The following TBC1D1 variants were observed in gnomAD, a reference collection of about 807,000 sequenced individuals.
TBC1D1 encodes the protein TBC1 domain family member 1.
In TBC1D1, 89 loss-of-function variants were observed where a neutral mutation model predicts 125.6. The ratio of observed to expected loss-of-function variants is 0.71; its 90% CI spans 0.60 to 0.85. The LOEUF (loss-of-function observed/expected upper bound fraction) is 0.85, where lower values mean the gene tolerates loss of function less well. TBC1D1 is among the 40% of genes least tolerant of loss of function. TBC1D1 has a pLI of 0.00. For synonymous variants in TBC1D1, 565 were observed against 564.1 expected (o/e 1.00, Z -0.02); for missense variants, 1,377 against 1,469.2 (o/e 0.94, Z 1.03).
rs763605503 is a variant in TBC1D1, at chr4:38,049,649, C to G, written c.1661C>G (p.Pro554Arg). ...TCTGTGTGTGAAAAGGAGGCCTTGC[C>G]CATCTCTGAGAGCTCCTTTAAGCTC... The change falls in exon 11 of 20, where the codon CCC becomes CGC. Residue 554 changes from proline (P) to arginine (R), a missense_variant. Physicochemically the swap from Pro to Arg is moderately radical, Grantham distance 103 (BLOSUM62 -2). Around this residue, in one of 3 missense-constraint regions of TBC1D1, gnomAD observed 822 missense variants for 824.6 expected, o/e 1.00. Coordinates refer to ENST00000261439, the MANE Select transcript of TBC1D1 (RefSeq NM_015173.4). 3 of 1,612,328 alleles carry G rather than the reference C, an allele frequency of 1.9e-6. No individual in the cohort carries two copies. Among genetic ancestry groups the G allele is most frequent in the Non-Finnish European group, 2.5e-6 (3 of 1,178,696 alleles).
chr4:37,904,635 A>G (rs1716909964), intron 2 of TBC1D1, among the ~76,000 whole-genome samples: 1 of 152,238 alleles, frequency 6.6e-6, no homozygotes, highest in Non-Finnish European at 1.5e-5. Flanking sequence ...CCCCAAGTAG[A>G]GAATTGGACT....
chr4:37,903,395 C>G (rs1211613381), intron 2 of TBC1D1, among the ~76,000 whole-genome samples: 3 of 152,184 alleles, frequency 2.0e-5, no homozygotes, highest in African/African-American at 7.2e-5. Flanking sequence ...GGGCTCAGGG[C>G]TCCACAGCTA....
chr4:37,912,067 TC>T (rs1718742744), intron 2 of TBC1D1, among the ~76,000 whole-genome samples: 1 of 152,218 alleles, frequency 6.6e-6, no homozygotes, highest in Non-Finnish European at 1.5e-5. Flanking sequence ...CTCAGGACTT[TC>T]GCAAGTCATT....
intron 2 of TBC1D1, among the ~76,000 whole-genome samples, chr4:37,991,633 CTT>C (rs66674403): frequency 9.6e-6 from 1 of 103,990 alleles, no homozygotes. Context: ...TCTTCTCTCT[CTT>C]TTTTTTTTTT....
intron 2 of TBC1D1, among the ~76,000 whole-genome samples, chr4:37,948,627 C>CAA (rs34225328): frequency 1.0e-4 from 15 of 144,118 alleles, no homozygotes; most frequent in Admixed American, 6.9e-4. Context: ...GACTCTGTCT[C>CAA]AAAAAAAAAA....
At chr4:38,129,414 G>A (rs1320312967) in intron 18 of TBC1D1, among the ~76,000 whole-genome samples, 1 of 152,230 alleles carries the variant, frequency 6.6e-6, no homozygotes, top group Non-Finnish European at 1.5e-5. Flanking sequence ...TTTACCACTG[G>A]CGTTGTTGAA....
intron 12 of TBC1D1, among the ~76,000 whole-genome samples, chr4:38,061,259 G>A (rs571053463): frequency 6.6e-6 from 1 of 152,072 alleles, no homozygotes; most frequent in South Asian, 2.1e-4. Context: ...TGTTTTCTCA[G>A]CCGTGGGCTC....
intron 12 of TBC1D1, among the ~76,000 whole-genome samples, chr4:38,075,819 GA>G (rs1188491205): frequency 2.6e-5 from 4 of 152,190 alleles, no homozygotes; most frequent in Non-Finnish European, 5.9e-5. Context: ...TGTGCAAGCA[GA>G]ACCCCCATCA....
At chr4:38,087,888 G>A (rs1757801024) in intron 12 of TBC1D1, among the ~76,000 whole-genome samples, 1 of 148,384 alleles carries the variant, frequency 6.7e-6, no homozygotes, top group Admixed American at 6.8e-5. Context: ...GAATATCCAG[G>A]TCAACCCCAC....
chr4:38,006,723 C>T, intron 2 of TBC1D1: 1 of 368,822 alleles, frequency 2.7e-6, no homozygotes. Flanking sequence ...TTGTGATCCG[C>T]CCACCTTGGC....
intron 2 of TBC1D1, among the ~76,000 whole-genome samples, chr4:37,984,701 G>A (rs888764234): frequency 1.3e-5 from 2 of 151,768 alleles, no homozygotes; most frequent in Admixed American, 6.6e-5. Context: ...AAATTAGCTG[G>A]GTGTGGTGGC....
rs780996278 is a variant in TBC1D1 at position 38,014,725 on chromosome 4, C to A, written c.634C>A (p.Pro212Thr). 6.3e-7 allele frequency: 1 copy of A among 1,596,698 alleles called. No homozygotes were observed. The highest frequency in any genetic ancestry group is 1.1e-5 in the South Asian group (1 of 90,812). ...CAGCGGCAGCCGGGGGTCCGAGAGC[C>A]CCCGCCCCAACCCGCCCCATGCCGC... is the stretch of plus-strand genomic sequence containing the variant. The change falls in exon 3 of 20, where the codon CCC becomes ACC. Residue 212 changes from proline to threonine, a missense_variant. By Grantham distance (38) the Pro-to-Thr change is conservative. Around this residue, in one of 3 missense-constraint regions of TBC1D1, gnomAD observed 822 missense variants for 824.6 expected, o/e 1.00. Coordinates refer to ENST00000261439, the MANE Select transcript of TBC1D1 (RefSeq NM_015173.4). This position sits in a 1 kb window ranked among gnomAD's most constrained non-coding sequence, Gnocchi z 5.1.
At chr4:37,918,640 T>G (rs13139977) in intron 2 of TBC1D1, among the ~76,000 whole-genome samples, 40,579 of 151,840 alleles carry the variant, frequency 0.27, 6,585 homozygotes, top group East Asian at 0.63. Context: ...TAGAGATGGG[T>G]TTTCACCATG....
intron 2 of TBC1D1, among the ~76,000 whole-genome samples, chr4:37,918,182 T>TA (rs1720118600): frequency 6.6e-6 from 1 of 152,240 alleles, no homozygotes; most frequent in Admixed American, 6.5e-5. Context: ...CTTGGATTCC[T>TA]AAAATCTGTT....
intron 2 of TBC1D1, among the ~76,000 whole-genome samples, chr4:37,979,034 T>G (rs910629581): frequency 6.6e-6 from 1 of 152,076 alleles, no homozygotes; most frequent in African/African-American, 2.4e-5. Context: ...GCGCCACCAC[T>G]CCCAGCTAAT....
intron 2 of TBC1D1, among the ~76,000 whole-genome samples, chr4:37,978,172 A>T (rs192559084): frequency 1.3e-5 from 2 of 152,316 alleles, no homozygotes; most frequent in East Asian, 3.9e-4. Flanking sequence ...ACTGTTGCTA[A>T]CAGGAAGGCA....
intron 17 of TBC1D1, among the ~76,000 whole-genome samples, chr4:38,120,359 T>G (rs1469796640): frequency 1.3e-5 from 2 of 152,216 alleles, no homozygotes; most frequent in African/African-American, 4.8e-5. Context: ...CATCTTTCAG[T>G]ACTTAAAAAC....
At chr4:38,063,545 C>T (rs1355040875) in intron 12 of TBC1D1, among the ~76,000 whole-genome samples, 1 of 152,126 alleles carries the variant, frequency 6.6e-6, no homozygotes, top group African/African-American at 2.4e-5. Context: ...ACAGTTTGTT[C>T]ATTTAAAATG....
At chr4:38,096,864 A>G (rs1302054540) in intron 14 of TBC1D1, among the ~76,000 whole-genome samples, 1 of 152,094 alleles carries the variant, frequency 6.6e-6, no homozygotes, top group Non-Finnish European at 1.5e-5. Flanking sequence ...ATCAGCCTGT[A>G]GTAGATTGGA....
Sources: allele counts gnomAD v4.1 joint callset (sites outside exome capture counted in the v4.1 genomes callset), GRCh38; gene constraint gnomAD v4.1.1; regional missense constraint gnomAD v4.1.1; non-coding constraint Gnocchi (gnomAD v3.1); transcripts MANE v1.5; gene names NCBI Gene and HGNC (gene_info 2026-07-23, HGNC 2026-07-21).